The following ARMC9 variants were observed in gnomAD, a reference collection of about 807,000 sequenced individuals.
ARMC9 encodes lisH domain-containing protein ARMC9.
A neutral mutation model predicts 107.0 loss-of-function variants in ARMC9; 94 were observed. That is an observed-to-expected ratio of 0.88 (90% CI 0.74 to 1.04). The LOEUF (loss-of-function observed/expected upper bound fraction) is 1.04, where lower values mean the gene tolerates loss of function less well. Among genes scored for constraint, ARMC9 ranks in the 50% least tolerant of loss-of-function variants. The probability of loss-of-function intolerance (pLI) is 0.00; values close to 1 mark genes in which losing one functional copy is unlikely to be tolerated. For synonymous variants in ARMC9, 380 were observed against 396.9 expected (o/e 0.96, Z 0.51); for missense variants, 942 against 1,030.1 (o/e 0.91, Z 1.17).
intron 14 of ARMC9, among the ~76,000 whole-genome samples, chr2:231,274,263 G>A (rs962601490): frequency 3.3e-5 from 5 of 151,980 alleles, no homozygotes; most frequent in African/African-American, 7.3e-5. Context: ...GATTACAGGC[G>A]CACACCACCA....
At chr2:231,206,128 C>G in intron 1 of ARMC9, 70 bp from the exon 2 acceptor site, 2 of 964,774 alleles carry the variant, frequency 2.1e-6, no homozygotes, top group Non-Finnish European at 3.3e-6. Context: ...TTCTGCTCAC[C>G]ACAACCACCT....
Position 231,222,715 on chromosome 2 carries a change from C to A in ARMC9, c.505-13C>A. 1.4e-6 allele frequency: 2 copies of A among 1,434,700 alleles called. No homozygotes were observed. Among genetic ancestry groups the A allele is most frequent in the Non-Finnish European group, 9.7e-7 (1 of 1,027,974 alleles). 88.9% of individuals were successfully genotyped at this position (1,434,700 alleles called of 1,614,324 possible). ...AATCTAATGTTTGTATTTTTGTTCC[C>A]TTTTTTCTTTAGGATTCCTGGACTC... On this transcript the variant is annotated splice_polypyrimidine_tract_variant and intron_variant, in intron 5 of 24. Coordinates refer to ENST00000611582, the MANE Select transcript of ARMC9 (RefSeq NM_001352754.2).
At chr2:231,317,917 AC>A (rs2042793943) in intron 19 of ARMC9, among the ~76,000 whole-genome samples, 1 of 152,126 alleles carries the variant, frequency 6.6e-6, no homozygotes, top group African/African-American at 2.4e-5. Context: ...ACTTCTGAGC[AC>A]ATTTTCCTTT....
intron 2 of ARMC9, among the ~76,000 whole-genome samples, chr2:231,206,881 G>T (rs896516394): frequency 6.6e-6 from 1 of 152,234 alleles, no homozygotes; most frequent in South Asian, 2.1e-4. Flanking sequence ...GCTTAACTGT[G>T]TGAGTAACCA....
intron 6 of ARMC9, among the ~76,000 whole-genome samples, chr2:231,223,374 AC>A (rs1369219205): frequency 6.6e-6 from 1 of 152,208 alleles, no homozygotes; most frequent in Non-Finnish European, 1.5e-5. Flanking sequence ...AGGGGCACTA[AC>A]TGGACAAAGT....
At chr2:231,222,046 C>T (rs1405222439) in intron 5 of ARMC9, among the ~76,000 whole-genome samples, 2 of 151,984 alleles carry the variant, frequency 1.3e-5, no homozygotes, top group Non-Finnish European at 2.9e-5. Flanking sequence ...GGCTTCGCTG[C>T]ATTTTTGTGG....
chr2:231,327,973 C>T (rs971846763), intron 19 of ARMC9, among the ~76,000 whole-genome samples: 5 of 151,940 alleles, frequency 3.3e-5, no homozygotes, highest in African/African-American at 7.3e-5. Context: ...TTCGTAGAGA[C>T]GGTGTTTCGC....
intron 8 of ARMC9, among the ~76,000 whole-genome samples, chr2:231,237,176 G>A (rs1227298134): frequency 1.2e-4 from 1 of 8,280 alleles, no homozygotes. Context: ...CTGCGTATGC[G>A]TGTGTGTGTG....
At chr2:231,260,825 C>T (rs2038266553) in intron 11 of ARMC9, among the ~76,000 whole-genome samples, 1 of 152,226 alleles carries the variant, frequency 6.6e-6, no homozygotes, top group African/African-American at 2.4e-5. Flanking sequence ...TATTCCTTTG[C>T]TGAGAGGGTG....
intron 9 of ARMC9, among the ~76,000 whole-genome samples, chr2:231,248,459 C>T (rs755858609): frequency 1.3e-5 from 2 of 152,152 alleles, no homozygotes; most frequent in African/African-American, 2.4e-5. Flanking sequence ...ACACCGTTAT[C>T]ACCTTAGGGT....
At chr2:231,256,257 A>C (rs1429778474) in intron 9 of ARMC9, 2 of 1,550,074 alleles carry the variant, frequency 1.3e-6, no homozygotes, top group African/African-American at 2.8e-5. Context: ...CGCGAGGGCG[A>C]CGTGCTCACC....
intron 21 of ARMC9, among the ~76,000 whole-genome samples, chr2:231,351,762 C>T (rs1559497318): frequency 1.3e-5 from 2 of 152,026 alleles, no homozygotes; most frequent in African/African-American, 4.8e-5. Context: ...TTCTGACATT[C>T]GTTTTTACTG....
At chr2:231,301,242 T>C (rs1159247053) in intron 19 of ARMC9, among the ~76,000 whole-genome samples, 1 of 152,258 alleles carries the variant, frequency 6.6e-6, no homozygotes, top group Non-Finnish European at 1.5e-5. Context: ...GTTGATACTT[T>C]TTAATGCTAT....
intron 9 of ARMC9, among the ~76,000 whole-genome samples, chr2:231,248,285 A>T (rs547220251): frequency 6.6e-6 from 1 of 152,226 alleles, no homozygotes; most frequent in East Asian, 1.9e-4. Context: ...TCTTGGCTTA[A>T]TGTCACATTT....
chr2:231,359,944 G>A (rs1049136741), intron 22 of ARMC9, among the ~76,000 whole-genome samples: 1 of 152,202 alleles, frequency 6.6e-6, no homozygotes, highest in Non-Finnish European at 1.5e-5. Flanking sequence ...CCACAGAGGA[G>A]CTGCTAAAAT....
chr2:231,286,622 A>G (rs2040607792), intron 17 of ARMC9, among the ~76,000 whole-genome samples: 14 of 152,246 alleles, frequency 9.2e-5, no homozygotes, highest in Admixed American at 9.2e-4. Context: ...CTAGTAATAC[A>G]GGAATTGCTA....
intron 5 of ARMC9, among the ~76,000 whole-genome samples, chr2:231,218,546 G>A (rs1164548583): frequency 6.6e-6 from 1 of 152,138 alleles, no homozygotes; most frequent in Non-Finnish European, 1.5e-5. Flanking sequence ...TCGGGGATGG[G>A]GCCTAGCAGA....
intron 19 of ARMC9, among the ~76,000 whole-genome samples, chr2:231,300,350 C>T (rs17625570): frequency 0.053 from 8,136 of 152,090 alleles, 549 homozygotes; most frequent in South Asian, 0.25. Flanking sequence ...TTGAGGGCCT[C>T]GAAATAACAC....
chr2:231,296,811 A>C (rs2041404592), intron 19 of ARMC9, among the ~76,000 whole-genome samples: 1 of 152,182 alleles, frequency 6.6e-6, no homozygotes. Context: ...TGATGTAAAG[A>C]ATGGTGACTC....
Sources: allele counts gnomAD v4.1 joint callset (sites outside exome capture counted in the v4.1 genomes callset), GRCh38; gene constraint gnomAD v4.1.1; transcripts MANE v1.5; gene names NCBI Gene and HGNC (gene_info 2026-07-23, HGNC 2026-07-21).